Variants in AKAP19 observed in about 807,000 individuals in gnomAD.
The protein encoded by AKAP19 is small A-kinase anchoring protein.
the AKAP19 span, among the ~76,000 whole-genome samples, chr2:190,014,846 T>A: frequency 1.3e-5 from 2 of 152,164 alleles, no homozygotes; most frequent in Non-Finnish European, 1.5e-5. Flanking sequence ...CAGGCCCCCA[T>A]GCAAGTCTGA....
the AKAP19 span, among the ~76,000 whole-genome samples, chr2:190,023,423 G>A: frequency 1.3e-5 from 2 of 151,876 alleles, no homozygotes; most frequent in Admixed American, 1.3e-4. Context: ...ATAAATAAAA[G>A]CATATTATGG....
chr2:189,967,340 A>G, the AKAP19 span, among the ~76,000 whole-genome samples: 4 of 152,344 alleles, frequency 2.6e-5, no homozygotes, highest in South Asian at 6.2e-4. Context: ...TCCTTGTTGT[A>G]TATCTACAGT....
the AKAP19 span, among the ~76,000 whole-genome samples, chr2:190,035,281 A>C: frequency 6.6e-6 from 1 of 152,050 alleles, no homozygotes; most frequent in East Asian, 1.9e-4. Context: ...AAATACAAAA[A>C]TTAGCTGGGC....
At chr2:190,090,445 C>T in the AKAP19 span, among the ~76,000 whole-genome samples, 18 of 152,256 alleles carry the variant, frequency 1.2e-4, no homozygotes, top group East Asian at 3.1e-3. Flanking sequence ...CTGTCAATAG[C>T]CAGCACCAAT....
At chr2:190,199,685 T>C in the AKAP19 span, 1 of 1,415,144 alleles carries the variant, frequency 7.1e-7, no homozygotes, top group Non-Finnish European at 9.2e-7. Flanking sequence ...GAAACCTACC[T>C]TCTCTTGACA....
chr2:189,923,408 A>T, the AKAP19 span: 1 of 1,613,276 alleles, frequency 6.2e-7, no homozygotes, highest in Non-Finnish European at 8.5e-7. Context: ...GAATCTCAAC[A>T]CTCTTGTGGT....
chr2:190,087,405 C>A, the AKAP19 span, among the ~76,000 whole-genome samples: 1 of 152,162 alleles, frequency 6.6e-6, no homozygotes, highest in Non-Finnish European at 1.5e-5. Context: ...ATTGTACAAG[C>A]GCCAGGGTAG....
the AKAP19 span, among the ~76,000 whole-genome samples, chr2:189,882,880 C>A: frequency 6.6e-6 from 1 of 151,904 alleles, no homozygotes; most frequent in Admixed American, 6.6e-5. Flanking sequence ...TATTATAGTT[C>A]ACAGCTTGAC....
the AKAP19 span, among the ~76,000 whole-genome samples, chr2:189,988,100 C>T: frequency 2.0e-4 from 31 of 152,100 alleles, no homozygotes; most frequent in South Asian, 4.2e-4. Context: ...TGAGTCAGTT[C>T]CTGGGTGGGG....
At chr2:190,015,434 G>C in the AKAP19 span, among the ~76,000 whole-genome samples, 1 of 152,180 alleles carries the variant, frequency 6.6e-6, no homozygotes, top group African/African-American at 2.4e-5. Flanking sequence ...AGGGTGCCAA[G>C]TCCCGAGGCT....
At chr2:189,941,471 T>C in the AKAP19 span, among the ~76,000 whole-genome samples, 1 of 152,148 alleles carries the variant, frequency 6.6e-6, no homozygotes, top group Non-Finnish European at 1.5e-5. Context: ...AGTCAAAATG[T>C]GGGAGGGTGG....
the AKAP19 span, among the ~76,000 whole-genome samples, chr2:190,048,424 A>T: frequency 6.6e-6 from 1 of 152,190 alleles, no homozygotes; most frequent in African/African-American, 2.4e-5. Context: ...CCTATAGTTT[A>T]GTTCAATGAT....
chr2:190,021,366 T>A, the AKAP19 span, among the ~76,000 whole-genome samples: 2 of 152,244 alleles, frequency 1.3e-5, no homozygotes, highest in Non-Finnish European at 2.9e-5. Context: ...TATAGTTTCT[T>A]GGGATTGTTT....
At chr2:189,940,848 G>C in the AKAP19 span, among the ~76,000 whole-genome samples, 1 of 152,088 alleles carries the variant, frequency 6.6e-6, no homozygotes, top group East Asian at 1.9e-4. Context: ...CCGAGATCGT[G>C]CCACTGCACT....
the AKAP19 span, among the ~76,000 whole-genome samples, chr2:190,116,234 A>G: frequency 6.6e-6 from 1 of 152,242 alleles, no homozygotes; most frequent in African/African-American, 2.4e-5. Context: ...TATAATGAAC[A>G]GAAATTTATG....
At chr2:190,179,598 C>T in the AKAP19 span, among the ~76,000 whole-genome samples, 1 of 152,062 alleles carries the variant, frequency 6.6e-6, no homozygotes, top group African/African-American at 2.4e-5. The surrounding 1 kb of genome is among the most constrained non-coding windows in gnomAD (Gnocchi z 6.0). Context: ...AATAAGAATG[C>T]TTGATTCATT....
At chr2:190,006,522 T>A in the AKAP19 span, among the ~76,000 whole-genome samples, 1 of 151,060 alleles carries the variant, frequency 6.6e-6, no homozygotes, top group African/African-American at 2.4e-5. Flanking sequence ...TGATGGCGGG[T>A]GCCTGTAGTC....
At chr2:189,961,115 C>T in the AKAP19 span, among the ~76,000 whole-genome samples, 24 of 152,112 alleles carry the variant, frequency 1.6e-4, no homozygotes, top group Non-Finnish European at 2.4e-4. Context: ...AAGACAAGTG[C>T]GAGAAACAAA....
At chr2:190,130,920 A>C in the AKAP19 span, among the ~76,000 whole-genome samples, 4 of 152,186 alleles carry the variant, frequency 2.6e-5, no homozygotes, top group Admixed American at 2.6e-4. Flanking sequence ...TTGTTGTATA[A>C]ATGTGACACT....
Sources: allele counts gnomAD v4.1 joint callset (sites outside exome capture counted in the v4.1 genomes callset), GRCh38; gene constraint gnomAD v4.1.1; non-coding constraint Gnocchi (gnomAD v3.1); transcripts MANE v1.5; gene names NCBI Gene and HGNC (gene_info 2026-07-23, HGNC 2026-07-21).